EPHA3: variants seen among roughly 807,000 people sequenced by gnomAD.
EPHA3 encodes ephrin type-A receptor 3.
In EPHA3, 42 loss-of-function variants were observed where a neutral mutation model predicts 107.1. That is an observed-to-expected ratio of 0.39 (90% confidence interval 0.31 to 0.51). The LOEUF (loss-of-function observed/expected upper bound fraction) is 0.51, where lower values mean the gene tolerates loss of function less well. Among genes scored for constraint, EPHA3 ranks in the 20% least tolerant of loss-of-function variants. EPHA3 has a pLI of 0.78. For missense variants in EPHA3, 1,183 were observed against 1,211.2 expected, an observed-to-expected ratio of 0.98 and a Z score of 0.35; for synonymous variants, 461 against 424.8, an observed-to-expected ratio of 1.09 and a Z score of -1.05.
chr3:89,340,286 A>G (rs1038329623), intron 3 of EPHA3, among the ~76,000 whole-genome samples: 1 of 152,240 alleles, frequency 6.6e-6, no homozygotes, highest in Non-Finnish European at 1.5e-5. Flanking sequence ...TAGGAACTGT[A>G]TATCCCTCTG....
intron 5 of EPHA3, among the ~76,000 whole-genome samples, chr3:89,381,771 C>T (rs1455628711): frequency 6.6e-6 from 1 of 152,130 alleles, no homozygotes; most frequent in Admixed American, 6.5e-5. Flanking sequence ...ATAATGAAGG[C>T]TCCATAGAGC....
At chr3:89,269,921 C>T (rs546097890) in intron 3 of EPHA3, among the ~76,000 whole-genome samples, 81 of 151,832 alleles carry the variant, frequency 5.3e-4, no homozygotes, top group African/African-American at 1.5e-3. Flanking sequence ...AAATTCTCTG[C>T]CTTTGACTCA....
At chr3:89,333,587 C>T (rs1333799277) in intron 3 of EPHA3, among the ~76,000 whole-genome samples, 1 of 152,110 alleles carries the variant, frequency 6.6e-6, no homozygotes, top group Non-Finnish European at 1.5e-5. Flanking sequence ...TAAAACCTAA[C>T]TGCAGGCTGG....
chr3:89,149,935 G>C (rs1385797474), intron 2 of EPHA3, among the ~76,000 whole-genome samples: 1 of 151,860 alleles, frequency 6.6e-6, no homozygotes, highest in Non-Finnish European at 1.5e-5. Context: ...TAAATATTTA[G>C]TGAGAGTTTG....
intron 11 of EPHA3, among the ~76,000 whole-genome samples, chr3:89,424,465 G>A (rs1512185): frequency 0.28 from 42,231 of 150,782 alleles, 6,483 homozygotes; most frequent in African/African-American, 0.39. Flanking sequence ...CTTTTCGAGA[G>A]AAAACAAAAA....
chr3:89,340,157 C>G (rs1488155072), intron 3 of EPHA3, among the ~76,000 whole-genome samples: 5 of 152,020 alleles, frequency 3.3e-5, no homozygotes, highest in Non-Finnish European at 7.4e-5. Flanking sequence ...TGTTCGATAA[C>G]CAGTTCAATA....
At position 89,313,609 on chromosome 3, in the gene EPHA3, T is replaced by A. The variant is rs377329956; in HGVS notation, c.815-27307T>A. ...TTACTTCTGGTTAAATATAGGAAATTTTCATAAGTCTATGTCCTCTGTAGG... is the reference window on the plus strand; with the variant it reads ...TTACTTCTGGTTAAATATAGGAAATATTCATAAGTCTATGTCCTCTGTAGG... On this transcript the variant is annotated intron_variant, in intron 3 of 16. Transcript: ENST00000336596. 3.3e-5 allele frequency among the ~76,000 whole-genome samples: 5 copies of A among 152,092 alleles called. No individual in the cohort carries two copies. The East Asian group carries it at 7.7e-4, about 23-fold the overall frequency.
At chr3:89,115,686 C>T (rs1257934459) in intron 1 of EPHA3, among the ~76,000 whole-genome samples, 2 of 152,202 alleles carry the variant, frequency 1.3e-5, no homozygotes, top group African/African-American at 4.8e-5. Context: ...TCACGACTTA[C>T]TGAACCTCAT....
chr3:89,382,590 A>AG (rs1413195164), intron 5 of EPHA3, among the ~76,000 whole-genome samples: 1 of 151,828 alleles, frequency 6.6e-6, no homozygotes, highest in Non-Finnish European at 1.5e-5. Flanking sequence ...AGGCAGAGGG[A>AG]GCAAGGGAAA....
At chr3:89,273,308 T>G (rs1705724197) in intron 3 of EPHA3, among the ~76,000 whole-genome samples, 1 of 151,984 alleles carries the variant, frequency 6.6e-6, no homozygotes. Context: ...AGTAGGAATG[T>G]AAGTCATTGT....
chr3:89,388,104 A>G (rs1176726258), intron 5 of EPHA3, among the ~76,000 whole-genome samples: 4 of 152,218 alleles, frequency 2.6e-5, no homozygotes, highest in African/African-American at 7.2e-5. Flanking sequence ...ATTGAATAAC[A>G]TAAGTTTATA....
chr3:89,424,409 C>T (rs1408951789), intron 11 of EPHA3, among the ~76,000 whole-genome samples: 2 of 151,268 alleles, frequency 1.3e-5, no homozygotes, highest in African/African-American at 2.4e-5. Context: ...CAAACACAAA[C>T]AAACCCACAA....
In EPHA3 at chr3:89,299,536, G is replaced by A. The variant is rs1469121714; in HGVS notation, c.815-41380G>A. On this transcript the variant is annotated intron_variant, in intron 3 of 16. Transcript: ENST00000336596. ...AAAAAATAAAAAAATTATGAAGTGT[G>A]CAATAAGTGCCAGCACTATTAAGTC... is the stretch of plus-strand genomic sequence containing the variant. 2.6e-5 allele frequency among the ~76,000 whole-genome samples: 4 copies of A among 151,936 alleles called. No individual in the cohort carries two copies. In the East Asian group the frequency reaches 7.7e-4, roughly 29 times the overall value.
intron 13 of EPHA3, among the ~76,000 whole-genome samples, chr3:89,439,919 TATA>T (rs1250680796): frequency 5.3e-5 from 8 of 152,194 alleles, no homozygotes; most frequent in African/African-American, 1.9e-4. Flanking sequence ...GGTTAGCCAT[TATA>T]ATAATTTGGA....
chr3:89,255,492 TG>T (rs1467990164), intron 3 of EPHA3, among the ~76,000 whole-genome samples: 1 of 152,228 alleles, frequency 6.6e-6, no homozygotes, highest in Non-Finnish European at 1.5e-5. Flanking sequence ...TTTCCATGGC[TG>T]CTTTCACATG....
intron 5 of EPHA3, among the ~76,000 whole-genome samples, chr3:89,391,920 A>T (rs907485464): frequency 3.3e-5 from 5 of 152,158 alleles, no homozygotes; most frequent in African/African-American, 9.7e-5. Context: ...ACAAAAATGT[A>T]TTTTACATAC....
chr3:89,224,809 G>A (rs1318991123), intron 3 of EPHA3, among the ~76,000 whole-genome samples: 2 of 151,818 alleles, frequency 1.3e-5, no homozygotes, highest in Non-Finnish European at 2.9e-5. Flanking sequence ...AGATCATGTC[G>A]CTGCACTCCA....
At chr3:89,209,442 A>T (rs921444896) in intron 2 of EPHA3, among the ~76,000 whole-genome samples, 1 of 152,148 alleles carries the variant, frequency 6.6e-6, no homozygotes. Flanking sequence ...TTTACCAAAA[A>T]CCTGGCACAA....
At chr3:89,396,961 CTGTTTTGAATTG>C (rs1248002295) in intron 6 of EPHA3, among the ~76,000 whole-genome samples, 1 of 152,134 alleles carries the variant, frequency 6.6e-6, no homozygotes, top group African/African-American at 2.4e-5. Context: ...TATTAGGCAT[CTGTTTTGAATTG>C]TGGCAGCCGT....
Sources: gnomAD v4.1 joint callset for allele counts (sites outside exome capture counted in the v4.1 genomes callset) on GRCh38, gnomAD v4.1.1 for gene constraint, MANE v1.5 for transcripts, NCBI Gene and HGNC (gene_info 2026-07-23, HGNC 2026-07-21) for gene names.